TSPAN5: variants seen among roughly 807,000 people sequenced by gnomAD.
The protein encoded by TSPAN5 is tetraspanin-5.
Under a neutral mutation model 37.1 loss-of-function variants are expected in TSPAN5, and 10 were observed. The observed-to-expected ratio is 0.27, with a 90% confidence interval of 0.17 to 0.46. The LOEUF (loss-of-function observed/expected upper bound fraction) is 0.46. Ranked by LOEUF, TSPAN5 falls within the 20% of genes least tolerant of loss-of-function variation. TSPAN5 has a pLI of 1.00. For synonymous variants in TSPAN5, 110 were observed against 118.9 expected (o/e 0.93, Z 0.48); for missense variants, 195 against 326.6 (o/e 0.60, Z 3.11).
At chr4:98,484,128 C>T (rs1330811095) in intron 3 of TSPAN5, 1 of 251,006 alleles carries the variant, frequency 4.0e-6, no homozygotes. Flanking sequence ...ACATATTATA[C>T]ATACCAAAAA....
At chr4:98,534,637 T>C (rs6840239) in intron 1 of TSPAN5, among the ~76,000 whole-genome samples, 33,924 of 152,090 alleles carry the variant, frequency 0.22, 3,962 homozygotes, top group African/African-American at 0.27. Flanking sequence ...CCAACTATTA[T>C]TGTGTGGGAG....
At chr4:98,553,007 A>G (rs923527953) in intron 1 of TSPAN5, among the ~76,000 whole-genome samples, 1 of 152,226 alleles carries the variant, frequency 6.6e-6, no homozygotes. Context: ...AAGTTTTGAA[A>G]TGATGACTGG....
At chr4:98,481,939 G>C in intron 4 of TSPAN5, 66 bp downstream of exon 4, 9 of 1,526,974 alleles carry the variant, frequency 5.9e-6, no homozygotes, top group Non-Finnish European at 8.1e-6. Context: ...AACCAGGAGG[G>C]ATGAAATTCA....
intron 1 of TSPAN5, among the ~76,000 whole-genome samples, chr4:98,620,322 C>T (rs1380760904): frequency 2.0e-5 from 3 of 152,196 alleles, no homozygotes; most frequent in African/African-American, 7.2e-5. Context: ...CCATGGTCAA[C>T]AGTCCCCGCT....
intron 1 of TSPAN5, among the ~76,000 whole-genome samples, chr4:98,625,034 A>C (rs1459475961): frequency 6.6e-6 from 1 of 152,236 alleles, no homozygotes; most frequent in East Asian, 1.9e-4. Context: ...ACTGAAACAT[A>C]ATAATGATAA....
chr4:98,609,993 A>C (rs1756143715), intron 1 of TSPAN5, among the ~76,000 whole-genome samples: 2 of 152,218 alleles, frequency 1.3e-5, no homozygotes, highest in African/African-American at 2.4e-5. Flanking sequence ...TATAATTCGC[A>C]GAGGCATTAG....
intron 1 of TSPAN5, among the ~76,000 whole-genome samples, chr4:98,618,389 C>G (rs1756396296): frequency 6.6e-6 from 1 of 152,120 alleles, no homozygotes; most frequent in Non-Finnish European, 1.5e-5. Context: ...AGAATAAAAT[C>G]AAGCATTCTT....
chr4:98,590,969 G>A (rs922688718), intron 1 of TSPAN5, among the ~76,000 whole-genome samples: 3 of 152,064 alleles, frequency 2.0e-5, no homozygotes, highest in African/African-American at 7.2e-5. Flanking sequence ...AAAGACTGGT[G>A]TGTACATCAA....
chr4:98,571,109 G>T (rs982594227), intron 1 of TSPAN5, among the ~76,000 whole-genome samples: 2 of 152,152 alleles, frequency 1.3e-5, no homozygotes, highest in African/African-American at 2.4e-5. Context: ...AGTTCTAGCA[G>T]CCCTGATCAT....
At chr4:98,590,511 C>A (rs887915786) in intron 1 of TSPAN5, among the ~76,000 whole-genome samples, 1 of 152,032 alleles carries the variant, frequency 6.6e-6, no homozygotes, top group Non-Finnish European at 1.5e-5. Flanking sequence ...GAGATCGAGA[C>A]CATCCTGGCT....
At position 98,573,269 on chromosome 4, in the gene TSPAN5, C is replaced by T. The variant is rs377178800; in HGVS notation, c.82-65541G>A. On this transcript the variant is annotated intron_variant, in intron 1 of 7. Transcript: ENST00000305798. ...AGACATTGGGTAAATAGGCTTAGGG[C>T]CTCCAAATTTTATTTTTCCTCTGTG... Among the ~76,000 whole-genome samples, 13 of 152,242 alleles carry T rather than the reference C, an allele frequency of 8.5e-5. 2 individuals are homozygous for T. The highest frequency in any genetic ancestry group is 3.1e-4 in the African/African-American group (13 of 41,554).
chr4:98,560,064 GTATAT>G (rs1560537520), intron 1 of TSPAN5: 1 of 152,206 alleles, frequency 6.6e-6, no homozygotes, highest in Non-Finnish European at 1.5e-5. Flanking sequence ...CTAAGCAGAA[GTATAT>G]TTTGTTTGTC....
At chr4:98,533,925 C>A (rs1754164717) in intron 1 of TSPAN5, among the ~76,000 whole-genome samples, 1 of 64,254 alleles carries the variant, frequency 1.6e-5, no homozygotes. Context: ...GTGGTCTATC[C>A]ATTTTGTTGA....
At chr4:98,631,407 G>T (rs1756744247) in intron 1 of TSPAN5, among the ~76,000 whole-genome samples, 1 of 152,086 alleles carries the variant, frequency 6.6e-6, no homozygotes, top group Admixed American at 6.5e-5. Flanking sequence ...TTCCATCCCT[G>T]ACTCCGGGTG....
At chr4:98,608,161 G>C (rs1449726677) in intron 1 of TSPAN5, among the ~76,000 whole-genome samples, 1 of 152,174 alleles carries the variant, frequency 6.6e-6, no homozygotes, top group Non-Finnish European at 1.5e-5. Flanking sequence ...GTATCTGTTT[G>C]AATTCACAGG....
At chr4:98,608,716 T>C (rs924207983) in intron 1 of TSPAN5, among the ~76,000 whole-genome samples, 2 of 152,218 alleles carry the variant, frequency 1.3e-5, no homozygotes, top group African/African-American at 4.8e-5. Context: ...AAATAGACTA[T>C]GTAAACGCAG....
chr4:98,522,175 AC>A (rs1753871214), intron 1 of TSPAN5, among the ~76,000 whole-genome samples: 2 of 152,216 alleles, frequency 1.3e-5, no homozygotes, highest in Non-Finnish European at 2.9e-5. Context: ...TATGTGCCCA[AC>A]CCCCACATTA....
At chr4:98,624,185 C>A (rs1395385619) in intron 1 of TSPAN5, among the ~76,000 whole-genome samples, 1 of 151,978 alleles carries the variant, frequency 6.6e-6, no homozygotes, top group Non-Finnish European at 1.5e-5. Flanking sequence ...GAAGTTATTA[C>A]CATCCCTGTT....
chr4:98,614,823 G>C (rs771891368), intron 1 of TSPAN5, among the ~76,000 whole-genome samples: 7 of 152,122 alleles, frequency 4.6e-5, no homozygotes, highest in African/African-American at 1.7e-4. Flanking sequence ...GTGACTAAAC[G>C]TACAAGTTCA....
Sources: allele counts gnomAD v4.1 joint callset (sites outside exome capture counted in the v4.1 genomes callset), GRCh38; gene constraint gnomAD v4.1.1; transcripts MANE v1.5; gene names NCBI Gene and HGNC (gene_info 2026-07-23, HGNC 2026-07-21).